Variants in MBNL1 observed in about 807,000 individuals in gnomAD.
MBNL1 encodes muscleblind-like protein 1.
A neutral mutation model predicts 42.2 loss-of-function variants in MBNL1; 8 were observed. The observed-to-expected ratio is 0.19, with a 90% CI of 0.11 to 0.34. The LOEUF is 0.34. Among genes scored for constraint, MBNL1 ranks in the 10% least tolerant of loss-of-function variants. The pLI is 1.00. For missense variants in MBNL1, 309 were observed against 495.3 expected, an observed-to-expected ratio of 0.62 and a Z score of 3.57; for synonymous variants, 169 against 173.9, an observed-to-expected ratio of 0.97 and a Z score of 0.22.
intron 2 of MBNL1, among the ~76,000 whole-genome samples, chr3:152,328,457 A>C (rs554648039): frequency 6.6e-6 from 1 of 152,102 alleles, no homozygotes; most frequent in Admixed American, 6.6e-5. Context: ...GTTTTCTCTA[A>C]AGCAGAAACT....
chr3:152,390,632 C>CACAG (rs2097676487), intron 2 of MBNL1, among the ~76,000 whole-genome samples: 1 of 151,750 alleles, frequency 6.6e-6, no homozygotes, highest in Non-Finnish European at 1.5e-5. Flanking sequence ...CACACACACA[C>CACAG]ACACACACAC....
chr3:152,413,619 TTA>T (rs1429123371), intron 2 of MBNL1, among the ~76,000 whole-genome samples: 2 of 152,224 alleles, frequency 1.3e-5, no homozygotes, highest in African/African-American at 4.8e-5. Flanking sequence ...TAAATTAGAA[TTA>T]TGACAGATTT....
At chr3:152,341,030 A>C (rs947114064) in intron 2 of MBNL1, 24 of 1,208,370 alleles carry the variant, frequency 2.0e-5, no homozygotes, top group Non-Finnish European at 2.5e-5. Context: ...TAAAATGAAA[A>C]GATGTTTAAC....
chr3:152,445,557 C>T lies in MBNL1; in HGVS notation c.807+18C>T, dbSNP rs527595867. 2.8e-5 allele frequency: 45 copies of T among 1,595,870 alleles called. No individual in the cohort carries two copies. Among genetic ancestry groups the T allele is most frequent in the Non-Finnish European group, 3.8e-5 (44 of 1,169,754 alleles). ...CTGCCATGGTGAGTAGAGATATCAG[C>T]TCTCTCCTTGTTAGCAGTCAGAAAA... On this transcript the variant is annotated intron_variant, in intron 5 of 9. Transcript: ENST00000324210.
chr3:152,332,739 T>TGTGG (rs1256022678), intron 2 of MBNL1, among the ~76,000 whole-genome samples: 1 of 115,646 alleles, frequency 8.6e-6, no homozygotes, highest in Non-Finnish European at 1.9e-5. Flanking sequence ...TGTGTGTGTG[T>TGTGG]GCGCGCGCGC....
At chr3:152,331,827 A>T (rs1681422850) in intron 2 of MBNL1, among the ~76,000 whole-genome samples, 1 of 152,032 alleles carries the variant, frequency 6.6e-6, no homozygotes, top group Non-Finnish European at 1.5e-5. Flanking sequence ...AGTAGCTGGG[A>T]TTACAGCCTC....
In MBNL1 at chr3:152,268,930, G is replaced by C; in HGVS notation, c.-952G>C. 2.2e-6 allele frequency: 1 copy of C among 456,268 alleles called. No individual in the cohort carries two copies. 28.3% of individuals were successfully genotyped at this position (456,268 alleles called of 1,614,324 possible). A position where few individuals can be genotyped will look rare whatever the true frequency, so the allele number is the denominator to read the frequency against. ...AGAGGCTGCACAGCGACATGCAACA[G>C]TCTTTTCACTGCAGCTGAATGAGTT... On this transcript the variant is annotated 5_prime_UTR_variant, in exon 1 of 10. Coordinates refer to ENST00000324210, the MANE Select transcript of MBNL1 (RefSeq NM_021038.5).
intron 2 of MBNL1, among the ~76,000 whole-genome samples, chr3:152,387,404 A>G (rs977983812): frequency 4.6e-5 from 7 of 152,164 alleles, no homozygotes; most frequent in African/African-American, 1.7e-4. Flanking sequence ...TCTACATTCA[A>G]GACTTAAAAT....
intron 2 of MBNL1, among the ~76,000 whole-genome samples, chr3:152,303,424 A>G (rs2061564472): frequency 6.6e-6 from 1 of 152,186 alleles, no homozygotes; most frequent in African/African-American, 2.4e-5. Flanking sequence ...GCTGAGACTT[A>G]AATTGCTTAC....
intron 2 of MBNL1, among the ~76,000 whole-genome samples, chr3:152,399,852 T>G (rs1036792767): frequency 1.3e-5 from 2 of 152,172 alleles, no homozygotes; most frequent in Admixed American, 1.3e-4. Context: ...ACATTATCTA[T>G]TTTCATTTTC....
intron 1 of MBNL1, among the ~76,000 whole-genome samples, chr3:152,296,301 A>G (rs2058510776): frequency 1.3e-5 from 2 of 152,162 alleles, no homozygotes; most frequent in African/African-American, 4.8e-5. Context: ...GCGTGCATGT[A>G]TAGAGGAGGC....
At chr3:152,338,117 G>A (rs1177379352) in intron 2 of MBNL1, 1 of 981,750 alleles carries the variant, frequency 1.0e-6, no homozygotes, top group African/African-American at 1.7e-5. Context: ...TTTCTTTCTA[G>A]AACTAAATCT....
At chr3:152,260,272 T>C (rs1222324966) in intron 2 of MBNL1, among the ~76,000 whole-genome samples, 1 of 152,190 alleles carries the variant, frequency 6.6e-6, no homozygotes, top group Non-Finnish European at 1.5e-5. Context: ...AATCAGGCCC[T>C]GTCAGCAGTT....
chr3:152,456,914 A>G (rs972919019), intron 8 of MBNL1, among the ~76,000 whole-genome samples: 2 of 152,138 alleles, frequency 1.3e-5, no homozygotes, highest in African/African-American at 4.8e-5. Flanking sequence ...TTTATTCTCA[A>G]TGCTTTCAGT....
At chr3:152,354,331 T>C (rs978539393) in intron 2 of MBNL1, among the ~76,000 whole-genome samples, 2 of 152,134 alleles carry the variant, frequency 1.3e-5, no homozygotes, top group Non-Finnish European at 2.9e-5. Context: ...GGCTTCCGCC[T>C]GTGGTCCCTG....
At chr3:152,340,715 A>G (rs761147080) in intron 2 of MBNL1, 23 of 1,614,042 alleles carry the variant, frequency 1.4e-5, no homozygotes, top group Admixed American at 1.2e-4. Flanking sequence ...GGAGAACTCA[A>G]ATGTTCCTTT....
intron 2 of MBNL1, among the ~76,000 whole-genome samples, chr3:152,360,614 G>C (rs1006008354): frequency 1.3e-5 from 2 of 151,666 alleles, no homozygotes; most frequent in African/African-American, 2.4e-5. Flanking sequence ...TCTTCTTAGG[G>C]CTCCCATAGA....
Position 152,465,306 on chromosome 3 carries a change from T to C in MBNL1, c.*2940T>C, listed in dbSNP as rs1486188012. On this transcript the variant is annotated 3_prime_UTR_variant, in exon 10 of 10. Transcript: ENST00000324210. The stretch of plus-strand genomic sequence containing the variant: ...CACAAAAAAATCTTCAAAACAAGTA[T>C]TGACTTTCACAAAATTTAAATCATA... 1 of 152,356 alleles carries C rather than the reference T, an allele frequency of 6.6e-6. No individual in the cohort carries two copies. Among genetic ancestry groups the C allele is most frequent in the African/African-American group, 2.4e-5 (1 of 41,446 alleles). The allele number at this position is 152,356 out of a possible 1,614,324, so 9.4% of individuals were successfully genotyped here. A position where few individuals can be genotyped will look rare whatever the true frequency, so the allele number is the denominator to read the frequency against.
At position 152,455,452 on chromosome 3, in the gene MBNL1, A is replaced by C. The variant is rs1408267703; in HGVS notation, c.962-90A>C. Reference sequence around the variant, plus strand: ...TAATAACAATTTTTCTTCTTTGTTCAAATGAATTTTCTAATTACACGTGTG... The same window carrying C: ...TAATAACAATTTTTCTTCTTTGTTCCAATGAATTTTCTAATTACACGTGTG... On this transcript the variant is annotated intron_variant, in intron 6 of 9. Transcript: ENST00000324210. The C allele has an allele frequency of 6.6e-6, 7 of 1,060,604 alleles. No homozygotes were observed. The Admixed American group carries it at 8.9e-5, about 13-fold the overall frequency. 65.7% of individuals were successfully genotyped at this position (1,060,604 alleles called of 1,614,324 possible).
Sources: gnomAD v4.1 joint callset for allele counts (sites outside exome capture counted in the v4.1 genomes callset) on GRCh38, gnomAD v4.1.1 for gene constraint, MANE v1.5 for transcripts, NCBI Gene and HGNC (gene_info 2026-07-23, HGNC 2026-07-21) for gene names.